Variants in TRIM5 observed in about 807,000 individuals in gnomAD.
The protein encoded by TRIM5 is tripartite motif-containing protein 5.
A neutral mutation model predicts 35.6 loss-of-function variants in TRIM5; 31 were observed. The ratio of observed to expected loss-of-function variants is 0.87; its 90% CI spans 0.65 to 1.18. The LOEUF is 1.18. Ranked by LOEUF, TRIM5 falls within the 50% of genes most tolerant of loss-of-function variation. The pLI is 0.00. For missense variants in TRIM5, 609 were observed against 591.6 expected, an observed-to-expected ratio of 1.03 and a Z score of -0.31; for synonymous variants, 243 against 215.6, an observed-to-expected ratio of 1.13 and a Z score of -1.11.
chr11:5,634,765 G>C, the TRIM5 span: 1 of 1,614,056 alleles, frequency 6.2e-7, no homozygotes, highest in Non-Finnish European at 8.5e-7. Context: ...AGTTTGCAGA[G>C]GCTGAGGATG....
the TRIM5 span, chr11:5,590,095 G>A: frequency 2.2e-3 from 347 of 156,440 alleles, 1 homozygote; most frequent in Middle Eastern, 0.022. Flanking sequence ...ATTTCTTGCC[G>A]GGCCTTAGCT....
intron 3 of TRIM5, 37 bp from the exon 4 acceptor site, chr11:5,678,471 T>A: frequency 6.8e-7 from 1 of 1,460,390 alleles, no homozygotes; most frequent in Non-Finnish European, 9.1e-7. Context: ...GCACTCAGTC[T>A]ACCAGGCAGA....
intron 4 of TRIM5, among the ~76,000 whole-genome samples, chr11:5,674,540 C>T (rs1851798444): frequency 1.3e-5 from 2 of 152,202 alleles, no homozygotes; most frequent in Non-Finnish European, 2.9e-5. Context: ...ACACTGGGCT[C>T]AACCTAGTAA....
chr11:5,605,421 C>T, the TRIM5 span: 1 of 1,614,148 alleles, frequency 6.2e-7, no homozygotes, highest in Non-Finnish European at 8.5e-7. Flanking sequence ...GCAACGGGAG[C>T]TGAAAAAGCT....
At chr11:5,655,339 A>G in the TRIM5 span, among the ~76,000 whole-genome samples, 933 of 152,274 alleles carry the variant, frequency 6.1e-3, 15 homozygotes, top group African/African-American at 0.021. Flanking sequence ...ATATTTATCT[A>G]CAATTTAAAT....
the TRIM5 span, among the ~76,000 whole-genome samples, chr11:5,652,641 A>G: frequency 6.6e-6 from 1 of 152,004 alleles, no homozygotes; most frequent in Non-Finnish European, 1.5e-5. Context: ...TTCCTTGGCT[A>G]TTTGGGTTCC....
the TRIM5 span, among the ~76,000 whole-genome samples, chr11:5,648,235 G>A: frequency 0.24 from 37,056 of 151,988 alleles, 5,582 homozygotes; most frequent in South Asian, 0.42. Flanking sequence ...GGCCGGGCGC[G>A]GTGGCTTACA....
chr11:5,678,235 C>A lies in TRIM5; in HGVS notation c.713G>T (p.Arg238Leu). ...CAGCTCCATCACTGACCCCTGCAGC[C>A]GATGCTCCAGATCTGAGATGAGCTC... is the stretch of plus-strand genomic sequence containing the variant. Reference protein sequence around the residue: ...LRELISDLEHRLQGSVMELLQ... With the variant: ...LRELISDLEHLLQGSVMELLQ... The change falls in exon 4 of 8, where the codon CGG becomes CTG. Residue 238 changes from arginine to leucine, a missense_variant. Arg to Leu is a moderately radical substitution (Grantham distance 102). Coordinates refer to ENST00000380034, the MANE Select transcript of TRIM5 (RefSeq NM_033034.3). 6.2e-7 allele frequency: 1 copy of A among 1,613,416 alleles called. No homozygotes were observed. The highest frequency in any genetic ancestry group is 8.5e-7 in the Non-Finnish European group (1 of 1,179,450).
chr11:5,677,041 G>A (rs1289297478), intron 4 of TRIM5, among the ~76,000 whole-genome samples: 1 of 152,128 alleles, frequency 6.6e-6, no homozygotes, highest in Middle Eastern at 3.2e-3. Flanking sequence ...ACATAGGCAT[G>A]GACAAGGACT....
chr11:5,637,164 C>T, the TRIM5 span, among the ~76,000 whole-genome samples: 1 of 152,068 alleles, frequency 6.6e-6, no homozygotes, highest in Non-Finnish European at 1.5e-5. Flanking sequence ...CAGAGCGAGA[C>T]TCAGTCTAAA....
the TRIM5 span, among the ~76,000 whole-genome samples, chr11:5,593,233 AAACTACCCTGAT>A: frequency 6.6e-6 from 1 of 152,248 alleles, no homozygotes; most frequent in Non-Finnish European, 1.5e-5. Context: ...TCTCAAGCAT[AAACTACCCTGAT>A]TCTTAATCTT....
At chr11:5,623,456 C>T in the TRIM5 span, among the ~76,000 whole-genome samples, 4 of 151,894 alleles carry the variant, frequency 2.6e-5, no homozygotes, top group African/African-American at 9.7e-5. Flanking sequence ...CAACCTCCGC[C>T]TCCCGGGTTC....
chr11:5,598,965 A>G, the TRIM5 span, among the ~76,000 whole-genome samples: 1 of 152,004 alleles, frequency 6.6e-6, no homozygotes, highest in Non-Finnish European at 1.5e-5. Flanking sequence ...TGCAGTTCAA[A>G]CTTTTCTCCC....
intron 4 of TRIM5, among the ~76,000 whole-genome samples, chr11:5,674,865 G>A (rs1236256074): frequency 1.3e-5 from 2 of 152,186 alleles, no homozygotes; most frequent in East Asian, 3.8e-4. Context: ...AGTAGAGAGT[G>A]GAAGAGGGGT....
At chr11:5,632,262 G>GAA in the TRIM5 span, 27 of 1,604,768 alleles carry the variant, frequency 1.7e-5, no homozygotes, top group East Asian at 4.0e-4. Context: ...CAGCCATCCA[G>GAA]GGGTCTTTAA....
the TRIM5 span, among the ~76,000 whole-genome samples, chr11:5,636,289 A>T: frequency 6.6e-6 from 1 of 152,208 alleles, no homozygotes; most frequent in African/African-American, 2.4e-5. Context: ...TTTTTGTATG[A>T]TTCCATTTAT....
At chr11:5,595,627 A>G in the TRIM5 span, among the ~76,000 whole-genome samples, 1 of 152,128 alleles carries the variant, frequency 6.6e-6, no homozygotes, top group Non-Finnish European at 1.5e-5. Flanking sequence ...GACAATTTAC[A>G]AGGGTCATCT....
At chr11:5,636,041 C>T in the TRIM5 span, among the ~76,000 whole-genome samples, 1 of 152,146 alleles carries the variant, frequency 6.6e-6, no homozygotes, top group South Asian at 2.1e-4. Context: ...TACCTATATA[C>T]CTAGAAGAAC....
chr11:5,591,904 G>A, the TRIM5 span, among the ~76,000 whole-genome samples: 1 of 152,262 alleles, frequency 6.6e-6, no homozygotes, highest in Admixed American at 6.5e-5. Flanking sequence ...CCGGGGGGCT[G>A]TGGCAATTGA....
Sources: allele counts gnomAD v4.1 joint callset (sites outside exome capture counted in the v4.1 genomes callset), GRCh38; gene constraint gnomAD v4.1.1; transcripts MANE v1.5; gene names NCBI Gene and HGNC (gene_info 2026-07-23, HGNC 2026-07-21).